Variants in PLEKHA6 observed in about 807,000 individuals in gnomAD.
PLEKHA6 encodes pleckstrin homology domain-containing family A member 6.
Under a neutral mutation model 116.7 loss-of-function variants are expected in PLEKHA6, and 60 were observed. That is an observed-to-expected ratio of 0.51 (90% CI 0.42 to 0.64). PLEKHA6 has a LOEUF of 0.64. Ranked by LOEUF, PLEKHA6 falls within the 30% of genes least tolerant of loss-of-function variation. PLEKHA6 has a pLI of 0.00. For missense variants in PLEKHA6, 1,338 were observed against 1,422.7 expected, an observed-to-expected ratio of 0.94 and a Z score of 0.96; for synonymous variants, 489 against 556.1, an observed-to-expected ratio of 0.88 and a Z score of 1.70.
rs376580189 is a variant in PLEKHA6, at chr1:204,248,689, C to T, written c.1824+132G>A. On this transcript the variant is annotated intron_variant, in intron 12 of 22. Transcript: ENST00000272203. ...GGCAATATTGAGGTCTTTGTTTATGCCCCTCTGCACGGGAGTACTCAGCTC... is the reference window on the plus strand; with the variant it reads ...GGCAATATTGAGGTCTTTGTTTATGTCCCTCTGCACGGGAGTACTCAGCTC... 1.6e-3 allele frequency: 1,099 copies of T among 708,702 alleles called. 12 individuals are homozygous for T. The highest frequency in any genetic ancestry group is 0.013 in the South Asian group (674 of 52,402). 43.9% of individuals were successfully genotyped at this position (708,702 alleles called of 1,614,324 possible).
chr1:204,278,335 G>A (rs904674551), intron 1 of PLEKHA6, among the ~76,000 whole-genome samples: 1 of 152,206 alleles, frequency 6.6e-6, no homozygotes, highest in African/African-American at 2.4e-5. Context: ...TGTTCTTTTT[G>A]ATATCACGTT....
intron 9 of PLEKHA6, among the ~76,000 whole-genome samples, chr1:204,253,824 AT>A (rs1664883843): frequency 7.7e-6 from 1 of 129,446 alleles, no homozygotes; most frequent in Non-Finnish European, 1.6e-5. Context: ...ACAGAGTGAG[AT>A]CTTGTCTCAA....
chr1:204,367,548 A>C (rs1673686287), intron 3 of PLEKHA6, among the ~76,000 whole-genome samples: 1 of 149,832 alleles, frequency 6.7e-6, no homozygotes, highest in Non-Finnish European at 1.5e-5. Flanking sequence ...CCAGCCCAAC[A>C]CTCCACCCAC....
chr1:204,284,235 G>T (rs182324507), intron 1 of PLEKHA6, among the ~76,000 whole-genome samples: 23 of 152,310 alleles, frequency 1.5e-4, no homozygotes, highest in African/African-American at 5.3e-4. Context: ...GAGCCTCCTG[G>T]CTGGAGGGTA....
At position 204,259,141 on chromosome 1, in the gene PLEKHA6, A is replaced by T; in HGVS notation, c.1007+117T>A. On this transcript the variant is annotated intron_variant, in intron 8 of 22. Coordinates refer to ENST00000272203, the MANE Select transcript of PLEKHA6 (RefSeq NM_014935.5). The surrounding 1 kb of genome is among the most constrained non-coding windows in gnomAD (Gnocchi z 4.6). ...AAGCATGGGATTTGCTTGGTTTCCC[A>T]ACTCAGCCTGCTTCCAGAAGGTTTC... The T allele has an allele frequency of 8.1e-7, 1 of 1,234,542 alleles. No individual in the cohort carries two copies. Among genetic ancestry groups the T allele is most frequent in the East Asian group, 2.5e-5 (1 of 39,838 alleles). The allele number at this position is 1,234,542 out of a possible 1,614,324, so 76.5% of individuals were successfully genotyped here. A position where few individuals can be genotyped will look rare whatever the true frequency, so the allele number is the denominator to read the frequency against.
At chr1:204,251,958 T>C (rs57419539) in intron 9 of PLEKHA6, among the ~76,000 whole-genome samples, 3,169 of 152,132 alleles carry the variant, frequency 0.021, 97 homozygotes, top group African/African-American at 0.069. Flanking sequence ...CACACCACTT[T>C]TGACAAAGAC....
intron 1 of PLEKHA6, chr1:204,307,268 T>G (rs1026391218): frequency 6.6e-6 from 1 of 152,142 alleles, no homozygotes; most frequent in African/African-American, 2.4e-5. Flanking sequence ...TTCTCCCGGG[T>G]CCTCTCCACT....
At chr1:204,272,428 C>A (rs1441079074) in intron 3 of PLEKHA6, among the ~76,000 whole-genome samples, 1 of 152,212 alleles carries the variant, frequency 6.6e-6, no homozygotes, top group Admixed American at 6.5e-5. Context: ...TGAAACCTCC[C>A]TCCAGTCTTG....
chr1:204,364,538 A>G (rs1446979684), upstream of PLEKHA6, among the ~76,000 whole-genome samples: 3 of 152,238 alleles, frequency 2.0e-5, no homozygotes, highest in Admixed American at 6.5e-5. Flanking sequence ...GTGAGGAATA[A>G]ATGAGATAAT....
At chr1:204,289,857 G>T (rs1406176310) in intron 1 of PLEKHA6, among the ~76,000 whole-genome samples, 1 of 152,104 alleles carries the variant, frequency 6.6e-6, no homozygotes, top group Non-Finnish European at 1.5e-5. Flanking sequence ...GGGAGGAGAG[G>T]CTCAGGATAC....
Position 204,309,696 on chromosome 1 carries a change from C to T in PLEKHA6, c.-94-34887G>A, listed in dbSNP as rs1015729494. On this transcript the variant is annotated intron_variant, in intron 1 of 22. Transcript: ENST00000272203. ...ATGACCATATTGAGAAGGAACTGTA[C>T]AAGATATGGTAAATGAAGATAGTAT... 12 of 916,144 alleles carry T rather than the reference C, an allele frequency of 1.3e-5. No individual in the cohort carries two copies. In the African/African-American group the frequency reaches 1.8e-4, roughly 14 times the overall value. 56.8% of individuals were successfully genotyped at this position (916,144 alleles called of 1,614,324 possible).
rs772835070 is a variant in PLEKHA6, at chr1:204,247,457, G to A, written c.1828C>T (p.Leu610=). Residue 610 remains leucine (L), a synonymous_variant, in exon 13 of 23, where the codon CTG becomes TTG. Coordinates refer to ENST00000272203, the MANE Select transcript of PLEKHA6 (RefSeq NM_014935.5). ...TCATACTCTATGGTGCTGTTTGTCA[G>A]GGCCTACGGGGGAAAGAGGCGTTCA... ...RVELSQATTA[L]TNSTIEYEHL... is the part of the protein sequence containing the mutation. The A allele has an allele frequency of 1.2e-6, 2 of 1,607,712 alleles. No homozygotes were observed. Among genetic ancestry groups the A allele is most frequent in the East Asian group, 2.2e-5 (1 of 44,804 alleles).
chr1:204,263,138 C>G (rs190214576), intron 6 of PLEKHA6, among the ~76,000 whole-genome samples: 2 of 152,104 alleles, frequency 1.3e-5, no homozygotes, highest in Non-Finnish European at 1.5e-5. Flanking sequence ...CAAAACATGC[C>G]GCGGGAAACA....
intron 1 of PLEKHA6, among the ~76,000 whole-genome samples, chr1:204,329,264 A>G (rs990834291): frequency 1.3e-5 from 2 of 152,190 alleles, no homozygotes; most frequent in African/African-American, 4.8e-5. Flanking sequence ...CTGGAAAGCA[A>G]TGCAAAGGAC....
At chr1:204,255,947 G>A (rs1395776719) in intron 9 of PLEKHA6, among the ~76,000 whole-genome samples, 1 of 152,190 alleles carries the variant, frequency 6.6e-6, no homozygotes, top group Non-Finnish European at 1.5e-5. Flanking sequence ...GCCTCCCTGG[G>A]AGAGGTGAGT....
intron 1 of PLEKHA6, among the ~76,000 whole-genome samples, chr1:204,327,613 C>T (rs1672287995): frequency 6.6e-6 from 1 of 152,240 alleles, no homozygotes; most frequent in African/African-American, 2.4e-5. Flanking sequence ...CTGCAGATTT[C>T]CATCTCTGAT....
intron 9 of PLEKHA6, chr1:204,255,757 G>A (rs1571909221): frequency 1.4e-6 from 1 of 696,558 alleles, no homozygotes; most frequent in East Asian, 2.7e-5. Flanking sequence ...AATAAAAAAA[G>A]AAGCAAAGCA....
intron 1 of PLEKHA6, among the ~76,000 whole-genome samples, chr1:204,322,565 C>T (rs927032854): frequency 3.3e-5 from 5 of 152,204 alleles, no homozygotes; most frequent in Admixed American, 6.5e-5. Context: ...GCTGCTTAGC[C>T]GGTGGTCTCA....
rs752156152 is a variant in PLEKHA6 at position 204,277,565 on chromosome 1, A to C, written c.-94-2756T>G. 1.2e-4 allele frequency: 19 copies of C among 152,154 alleles called. No individual in the cohort carries two copies. Among genetic ancestry groups the C allele is most frequent in the Non-Finnish European group, 2.5e-4 (17 of 68,036 alleles). 9.4% of individuals were successfully genotyped at this position (152,154 alleles called of 1,614,324 possible). ...CCTGCCTCCCCAATTCTCAACCCAC[A>C]ATACAGGCTCCTGAGCTGAAAATCA... is the stretch of plus-strand genomic sequence containing the variant. On this transcript the variant is annotated intron_variant, in intron 1 of 22. Transcript: ENST00000272203. This position sits in a 1 kb window ranked among gnomAD's most constrained non-coding sequence, Gnocchi z 4.1.
Sources: gnomAD v4.1 joint callset for allele counts (sites outside exome capture counted in the v4.1 genomes callset) on GRCh38, gnomAD v4.1.1 for gene constraint, Gnocchi (gnomAD v3.1) non-coding constraint, MANE v1.5 for transcripts, NCBI Gene and HGNC (gene_info 2026-07-23, HGNC 2026-07-21) for gene names.